Variants in AK2 observed in about 807,000 individuals in gnomAD.
AK2 encodes adenylate kinase 2, also known as adenylate kinase 2, mitochondrial.
AK2 carries 15 observed loss-of-function variants against 24.6 expected under a neutral mutation model. The ratio of observed to expected loss-of-function variants is 0.61; its 90% CI spans 0.41 to 0.94. The LOEUF is 0.94. Ranked by LOEUF, AK2 falls within the 40% of genes least tolerant of loss-of-function variation. The probability of loss-of-function intolerance (pLI) is 0.00; values close to 1 mark genes in which losing one functional copy is unlikely to be tolerated. For synonymous variants in AK2, 102 were observed against 114.0 expected (o/e 0.90, Z 0.67); for missense variants, 257 against 304.1 (o/e 0.85, Z 1.15).
rs1381494895 is a variant in AK2, at chr1:33,021,591, A to G, written c.330+2T>C. On this transcript the variant is annotated splice_donor_variant, in intron 3 of 5. Transcript: ENST00000672715. LOFTEE classifies it high-confidence loss of function. ...TAGTAATATAAAAACTAAGCTACCC[A>G]CCATTTCTGCCTGCCTCACAGTCCG... 6.2e-7 allele frequency: 1 copy of G among 1,613,770 alleles called. No homozygotes were observed. Among genetic ancestry groups the G allele is most frequent in the Non-Finnish European group, 8.5e-7 (1 of 1,179,676 alleles).
chr1:33,016,186 C>T (rs751632581), intron 4 of AK2, among the ~76,000 whole-genome samples: 1 of 152,024 alleles, frequency 6.6e-6, no homozygotes, highest in Non-Finnish European at 1.5e-5. Flanking sequence ...TTCCATATAA[C>T]CTATGCATAT....
rs1330590377 is a variant in AK2, at chr1:33,013,139, T to G, written c.*42A>C. 1 of 1,614,038 alleles carries G rather than the reference T, an allele frequency of 6.2e-7. No individual in the cohort carries two copies. Among genetic ancestry groups the G allele is most frequent in the Admixed American group, 1.7e-5 (1 of 60,030 alleles). The stretch of plus-strand genomic sequence containing the variant: ...TGCCTGTCCTATCATTCCCACCCAT[T>G]GCCTCACAGGGATGGAAAGAAATTC... On this transcript the variant is annotated 3_prime_UTR_variant, in exon 6 of 6. Coordinates refer to ENST00000672715, the MANE Select transcript of AK2 (RefSeq NM_001625.4).
chr1:33,013,173 A>G lies in AK2; in HGVS notation c.*8T>C, dbSNP rs1197531465. ...GGGATGGAAAGAAATTCCTTCTTGG[A>G]CCCAACATTAGATAAACATAACCAA... On this transcript the variant is annotated 3_prime_UTR_variant, in exon 6 of 6. Coordinates refer to ENST00000672715, the MANE Select transcript of AK2 (RefSeq NM_001625.4). 2.5e-6 allele frequency: 4 copies of G among 1,614,074 alleles called. No homozygotes were observed. The Admixed American group carries it at 6.7e-5, about 27-fold the overall frequency.
Position 33,008,153 on chromosome 1 carries a change from A to C in AK2, c.*5028T>G, listed in dbSNP as rs1213658229. ...TGCCTACATTTTCCCTCTGAATTCC[A>C]TCTGTGTTTACTAAGCATCTGCTGT... On this transcript the variant is annotated 3_prime_UTR_variant, in exon 6 of 6. Coordinates refer to ENST00000672715, the MANE Select transcript of AK2 (RefSeq NM_001625.4). The C allele has an allele frequency of 6.6e-6, 3 of 454,000 alleles. No homozygotes were observed. Among genetic ancestry groups the C allele is most frequent in the Non-Finnish European group, 1.3e-5 (3 of 226,830 alleles). 28.1% of individuals were successfully genotyped at this position (454,000 alleles called of 1,614,324 possible).
intron 4 of AK2, among the ~76,000 whole-genome samples, chr1:33,018,833 G>A (rs1343518784): frequency 9.9e-5 from 15 of 151,994 alleles, no homozygotes; most frequent in African/African-American, 4.8e-5. Flanking sequence ...TCTCCTTGCC[G>A]TAATTTACCT....
intron 1 of AK2, among the ~76,000 whole-genome samples, chr1:33,025,191 A>G (rs1639803546): frequency 6.6e-6 from 1 of 151,016 alleles, no homozygotes; most frequent in South Asian, 2.1e-4. Context: ...TTCGTCTCAA[A>G]AAAAAAAAAA....
chr1:33,029,402 T>G (rs1640102264), intron 1 of AK2: 1 of 150,442 alleles, frequency 6.6e-6, no homozygotes. Context: ...ACCATATTGA[T>G]GTTGAACTTT....
chr1:33,026,703 G>C (rs556187896), intron 1 of AK2, among the ~76,000 whole-genome samples: 48 of 152,216 alleles, frequency 3.2e-4, no homozygotes, highest in African/African-American at 1.1e-3. Flanking sequence ...AGCTACTCAG[G>C]AGGCTGAGGC....
intron 5 of AK2, 54 bp from the exon 6 acceptor site, chr1:33,013,456 A>G: frequency 6.4e-7 from 1 of 1,571,332 alleles, no homozygotes; most frequent in Non-Finnish European, 8.6e-7. Flanking sequence ...AGGTTTTCTT[A>G]TTCCATGCCA....
intron 1 of AK2, among the ~76,000 whole-genome samples, chr1:33,026,145 C>G (rs1434950352): frequency 1.3e-5 from 2 of 152,216 alleles, no homozygotes; most frequent in African/African-American, 2.4e-5. Flanking sequence ...ATAAACTAAG[C>G]AGGTTTAGAT....
chr1:33,035,665 C>T (rs1391289851), intron 1 of AK2, among the ~76,000 whole-genome samples: 4 of 152,186 alleles, frequency 2.6e-5, no homozygotes, highest in Non-Finnish European at 2.9e-5. Flanking sequence ...TCGATCCCAA[C>T]CCTAATCTAT....
rs1488026608 is a variant in AK2 at position 33,008,791 on chromosome 1, G to A, written c.*4390C>T. On this transcript the variant is annotated 3_prime_UTR_variant, in exon 6 of 6. Coordinates refer to ENST00000672715, the MANE Select transcript of AK2 (RefSeq NM_001625.4). Reference sequence around the variant, plus strand: ...TTGCATAATACCTGGCACAACGTCAGTCTTCCGGGAGTGGTAGGACTAGTC... The same window carrying A: ...TTGCATAATACCTGGCACAACGTCAATCTTCCGGGAGTGGTAGGACTAGTC... The A allele has an allele frequency of 2.2e-6, 1 of 454,004 alleles. No individual in the cohort carries two copies. Among genetic ancestry groups the A allele is most frequent in the Non-Finnish European group, 4.4e-6 (1 of 226,806 alleles). The allele number at this position is 454,004 out of a possible 1,614,324, so 28.1% of individuals were successfully genotyped here.
rs1253683373 is a variant in AK2 at position 33,010,697 on chromosome 1, CCT to C, written c.*2482_*2483del. 1 of 1,605,778 alleles carries C rather than the reference CCT, an allele frequency of 6.2e-7. No individual in the cohort carries two copies. The highest frequency in any genetic ancestry group is 8.5e-7 in the Non-Finnish European group (1 of 1,175,276). On this transcript the variant is annotated 3_prime_UTR_variant, in exon 6 of 6. Transcript: ENST00000672715. ...TAACACTGCTGTTGTTCCAAGTATT[CCT>C]CTGAGCCCCTCACCAGCCCTCCCTC...
intron 1 of AK2, chr1:33,029,404 T>C (rs1640102405): frequency 2.7e-5 from 4 of 150,134 alleles, no homozygotes; most frequent in Admixed American, 1.3e-4. Context: ...CATATTGATG[T>C]TGAACTTTTT....
At chr1:33,021,289 CG>C in intron 4 of AK2, 77 bp downstream of exon 4, 1 of 1,281,690 alleles carries the variant, frequency 7.8e-7, no homozygotes, top group South Asian at 1.2e-5. Flanking sequence ...GCTTCATGGC[CG>C]GGATTAGGCA....
intron 5 of AK2, 45 bp from the exon 6 acceptor site, chr1:33,013,447 G>A (rs770034107): frequency 6.3e-7 from 1 of 1,583,710 alleles, no homozygotes; most frequent in East Asian, 2.3e-5. Flanking sequence ...CTGTTAGCAA[G>A]GTTTTCTTAT....
At chr1:33,014,764 C>T (rs750195055) in intron 4 of AK2, among the ~76,000 whole-genome samples, 170 bp from the exon 5 acceptor site, 4 of 152,164 alleles carry the variant, frequency 2.6e-5, no homozygotes, top group Non-Finnish European at 5.9e-5. Context: ...CTTATGCCAG[C>T]GGCAGAGTAT....
chr1:33,015,009 T>C (rs1414317997), intron 4 of AK2, among the ~76,000 whole-genome samples: 1 of 152,162 alleles, frequency 6.6e-6, no homozygotes, highest in Non-Finnish European at 1.5e-5. Context: ...TAGTGCTTAG[T>C]GGGAGAGACA....
At chr1:33,030,003 GTCCAAA>G (rs1354236634) in intron 1 of AK2, among the ~76,000 whole-genome samples, 1 of 152,212 alleles carries the variant, frequency 6.6e-6, no homozygotes, top group East Asian at 1.9e-4. Context: ...TAGAGGAAGA[GTCCAAA>G]TATCTTAGCC....
Sources: allele counts gnomAD v4.1 joint callset (sites outside exome capture counted in the v4.1 genomes callset), GRCh38; gene constraint gnomAD v4.1.1; transcripts MANE v1.5; gene names NCBI Gene and HGNC (gene_info 2026-07-23, HGNC 2026-07-21).